The following SATB1 variants were observed in gnomAD, a reference collection of about 807,000 sequenced individuals.
The protein encoded by SATB1 is DNA-binding protein SATB1.
SATB1 carries 11 observed loss-of-function variants against 86.9 expected under a neutral mutation model. The observed-to-expected ratio is 0.13, with a 90% CI of 0.08 to 0.21. SATB1 has a LOEUF of 0.21. SATB1 is among the 10% of genes least tolerant of loss of function. The probability of loss-of-function intolerance (pLI) is 1.00; values close to 1 mark genes in which losing one functional copy is unlikely to be tolerated. For missense variants in SATB1, 551 were observed against 937.6 expected (o/e 0.59, Z 5.39); for synonymous variants, 357 against 357.2 (o/e 1.00, Z 0.01).
intron 5 of SATB1, among the ~76,000 whole-genome samples, chr3:18,402,699 A>G (rs1268766133): frequency 6.6e-6 from 1 of 152,072 alleles, no homozygotes; most frequent in Non-Finnish European, 1.5e-5. Context: ...ACTACTTTAA[A>G]AACAAAACAA....
Position 18,349,690 on chromosome 3 carries a change from G to A in SATB1, c.1780-8C>T, listed in dbSNP as rs1420936733. On this transcript the variant is annotated splice_region_variant and splice_polypyrimidine_tract_variant and intron_variant, in intron 10 of 10. Coordinates refer to ENST00000338745, the MANE Select transcript of SATB1 (RefSeq NM_002971.6). The surrounding 1 kb of genome is among the most constrained non-coding windows in gnomAD (Gnocchi z 5.5). ...CTGTTGCTGCTGCTGTTGCTGCAAA[G>A]AAACAAGGAGACAATCAGAGCTCTG... is the stretch of plus-strand genomic sequence containing the variant. 6.3e-7 allele frequency: 1 copy of A among 1,587,328 alleles called. No individual in the cohort carries two copies. The highest frequency in any genetic ancestry group is 2.3e-5 in the East Asian group (1 of 43,764).
rs760357273 is a variant in SATB1, at chr3:18,347,177, T to C, written c.*1993A>G. 2 of 152,050 alleles carry C rather than the reference T, an allele frequency of 1.3e-5. No homozygotes were observed. Among genetic ancestry groups the C allele is most frequent in the Non-Finnish European group, 2.9e-5 (2 of 67,992 alleles). 9.4% of individuals were successfully genotyped at this position (152,050 alleles called of 1,614,324 possible). On this transcript the variant is annotated 3_prime_UTR_variant, in exon 11 of 11. Coordinates refer to ENST00000338745, the MANE Select transcript of SATB1 (RefSeq NM_002971.6). Reference sequence around the variant, plus strand: ...ATAAGCTCATCAGGGCCTGAGAAGATGGTAGGCAGAAAGAGAAGGGGCAAT... The same window carrying C: ...ATAAGCTCATCAGGGCCTGAGAAGACGGTAGGCAGAAAGAGAAGGGGCAAT...
chr3:18,444,236 T>C lies in SATB1; in HGVS notation c.-25+1282A>G, dbSNP rs528294787. On this transcript the variant is annotated intron_variant, in intron 1 of 3. Coordinates refer to the SATB1 transcript ENST00000415069. The surrounding 1 kb of genome is among the most constrained non-coding windows in gnomAD (Gnocchi z 5.1). ...TTTCCCCATTTGCTTCCTTCGGTCT[T>C]TTCCACTCCCCTTTCCTTTTCTAAA... Among the ~76,000 whole-genome samples, 7 of 152,030 alleles carry C rather than the reference T, an allele frequency of 4.6e-5. No individual in the cohort carries two copies. Among genetic ancestry groups the C allele is most frequent in the Non-Finnish European group, 7.4e-5 (5 of 67,966 alleles).
At chr3:18,442,212 T>G (rs1189195608), upstream of SATB1, among the ~76,000 whole-genome samples, 1 of 150,542 alleles carries the variant, frequency 6.6e-6, no homozygotes, top group Admixed American at 6.6e-5. Context: ...TTTAAGGAGG[T>G]AGTACTTTAG....
chr3:18,412,755 T>C (rs1388074989), intron 5 of SATB1, among the ~76,000 whole-genome samples: 1 of 152,058 alleles, frequency 6.6e-6, no homozygotes, highest in Non-Finnish European at 1.5e-5. Context: ...ATTTTGGACA[T>C]AGGCTTTAGG....
At chr3:18,383,255 TC>T (rs2125200034) in intron 8 of SATB1, among the ~76,000 whole-genome samples, 2 of 152,268 alleles carry the variant, frequency 1.3e-5, no homozygotes, top group South Asian at 4.1e-4. Context: ...AGGCTAGGTG[TC>T]CCCAGGTGGG....
chr3:18,412,021 G>T (rs1697870288), intron 5 of SATB1, among the ~76,000 whole-genome samples: 1 of 151,570 alleles, frequency 6.6e-6, no homozygotes, highest in African/African-American at 2.4e-5. Context: ...CACCAAACTA[G>T]AGTGCAGTGG....
Position 18,352,453 on chromosome 3 carries a change from G to A in SATB1, c.1576-258C>T, listed in dbSNP as rs2125129404. 4.7e-6 allele frequency: 2 copies of A among 425,048 alleles called. No individual in the cohort carries two copies. The highest frequency in any genetic ancestry group is 4.1e-5 in the East Asian group (1 of 24,268). 26.3% of individuals were successfully genotyped at this position (425,048 alleles called of 1,614,324 possible). On this transcript the variant is annotated intron_variant, in intron 9 of 10. Coordinates refer to ENST00000338745, the MANE Select transcript of SATB1 (RefSeq NM_002971.6). The surrounding 1 kb of genome is among the most constrained non-coding windows in gnomAD (Gnocchi z 4.1). The stretch of plus-strand genomic sequence containing the variant: ...TTTTTCAGACTCTGAGGGTAACAGA[G>A]CATTTATCACAGATTTTTTAATATA...
At chr3:18,384,680 A>G (rs968580295) in intron 8 of SATB1, among the ~76,000 whole-genome samples, 5 of 152,146 alleles carry the variant, frequency 3.3e-5, no homozygotes, top group Admixed American at 6.5e-5. Context: ...TTCATTTCGT[A>G]TATTTTTTCT....
At chr3:18,404,177 G>T (rs1172023019) in intron 5 of SATB1, among the ~76,000 whole-genome samples, 1 of 152,138 alleles carries the variant, frequency 6.6e-6, no homozygotes, top group East Asian at 1.9e-4. Context: ...TTTTGGGGTG[G>T]GAAGGACAGG....
At chr3:18,435,920 C>T (rs1160683585) in intron 2 of SATB1, among the ~76,000 whole-genome samples, 1 of 152,150 alleles carries the variant, frequency 6.6e-6, no homozygotes, top group African/African-American at 2.4e-5. Flanking sequence ...CACAGCAGTG[C>T]ACCACTTAAG....
Position 18,434,736 on chromosome 3 carries a change from T to TA in SATB1, c.-25+2052dup, listed in dbSNP as rs536340045. ...GAGTCTGATCATCTTTAAGATCACA[T>TA]AAAAAATCTCTTTCTTCAATTAAAA... On this transcript the variant is annotated intron_variant, in intron 2 of 3. Transcript: ENST00000414509. Among the ~76,000 whole-genome samples, 93 of 151,994 alleles carry TA rather than the reference T, an allele frequency of 6.1e-4. 1 individual carries two copies. The highest frequency in any genetic ancestry group is 1.2e-3 in the South Asian group (6 of 4,822).
chr3:18,349,272 C>G lies in SATB1; in HGVS notation c.2190G>C (p.Glu730Asp), dbSNP rs749399861. 6.2e-7 allele frequency: 1 copy of G among 1,614,246 alleles called. No individual in the cohort carries two copies. The highest frequency in any genetic ancestry group is 1.1e-5 in the South Asian group (1 of 91,086). ...TGTTAGTATTTTTATCTTGGACACT[C>G]TCTTCCAAATCCTTCAGCAGCTCCT... ...KEEELLKDLE[E>D]SVQDKNTNTL... The change falls in exon 11 of 11, where the codon GAG becomes GAC. Residue 730 changes from glutamate (E) to aspartate (D), a missense_variant. Physicochemically the swap from Glu to Asp is conservative, Grantham distance 45. Transcript: ENST00000338745. This position sits in a 1 kb window ranked among gnomAD's most constrained non-coding sequence, Gnocchi z 5.5.
At chr3:18,351,321 C>G in intron 10 of SATB1, 2 of 1,545,472 alleles carry the variant, frequency 1.3e-6, no homozygotes, top group Non-Finnish European at 1.7e-6. Context: ...ACCTGAGGAG[C>G]AGCACCGAGC....
intron 9 of SATB1, among the ~76,000 whole-genome samples, chr3:18,356,160 T>C (rs1032097001): frequency 2.0e-5 from 3 of 151,914 alleles, no homozygotes; most frequent in Non-Finnish European, 4.4e-5. Flanking sequence ...GATAATATGT[T>C]CAAACCTGTT....
chr3:18,426,387 C>T (rs987537977), upstream of SATB1, among the ~76,000 whole-genome samples: 1 of 152,160 alleles, frequency 6.6e-6, no homozygotes, highest in Non-Finnish European at 1.5e-5. The surrounding 1 kb of genome is among the most constrained non-coding windows in gnomAD (Gnocchi z 4.2). Context: ...GGAAAAGATG[C>T]CATCATTCTT....
chr3:18,380,719 A>C (rs1444682214), intron 8 of SATB1, among the ~76,000 whole-genome samples: 2 of 146,562 alleles, frequency 1.4e-5, no homozygotes, highest in Non-Finnish European at 3.0e-5. Context: ...TTCTAGAATC[A>C]CATTTTTTTT....
At chr3:18,410,842 A>G (rs1697799381) in intron 5 of SATB1, 1 of 365,716 alleles carries the variant, frequency 2.7e-6, no homozygotes, top group African/African-American at 2.1e-5. Flanking sequence ...TTTGTATAAC[A>G]TGATAGATTT....
Position 18,386,480 on chromosome 3 carries a change from G to T in SATB1, c.1338C>A (p.Asp446Glu), listed in dbSNP as rs780193373. The change falls in exon 8 of 11, where the codon GAC (aspartate) becomes GAA (glutamate). Residue 446 changes from aspartate to glutamate, a missense_variant. By Grantham distance (45) the Asp-to-Glu change is conservative. Coordinates refer to ENST00000338745, the MANE Select transcript of SATB1 (RefSeq NM_002971.6). This position sits in a 1 kb window ranked among gnomAD's most constrained non-coding sequence, Gnocchi z 4.5. ...PEAERDRIYQ[D>E]ERERSLNAAS... is the part of the protein sequence containing the mutation. ...CAGCATTCAAGCTCCTTTCCCTTTC[G>T]TCCTGGTATATTCGGTCTCTTTCAG... 1 of 1,614,080 alleles carries T rather than the reference G, an allele frequency of 6.2e-7. No individual in the cohort carries two copies. Among genetic ancestry groups the T allele is most frequent in the Non-Finnish European group, 8.5e-7 (1 of 1,180,022 alleles).
Sources: allele counts gnomAD v4.1 joint callset (sites outside exome capture counted in the v4.1 genomes callset), GRCh38; gene constraint gnomAD v4.1.1; non-coding constraint Gnocchi (gnomAD v3.1); transcripts MANE v1.5; gene names NCBI Gene and HGNC (gene_info 2026-07-23, HGNC 2026-07-21).